Variants in FAM220A observed in about 807,000 individuals in gnomAD.
FAM220A encodes the protein protein FAM220A.
For missense variants in FAM220A, 392 were observed against 321.6 expected, an observed-to-expected ratio of 1.22 and a Z score of -1.68; for synonymous variants, 141 against 130.7, an observed-to-expected ratio of 1.08 and a Z score of -0.54.
intron 1 of FAM220A, among the ~76,000 whole-genome samples, chr7:6,348,013 C>T (rs1276167714): frequency 6.6e-6 from 1 of 151,442 alleles, no homozygotes; most frequent in Non-Finnish European, 1.5e-5. Context: ...CAGGTTCCAG[C>T]GATTCTGCCG....
chr7:6,330,543 C>A lies in FAM220A; in HGVS notation c.612G>T (p.Leu204=). 6.2e-7 allele frequency: 1 copy of A among 1,614,154 alleles called. No homozygotes were observed. Among genetic ancestry groups the A allele is most frequent in the Non-Finnish European group, 8.5e-7 (1 of 1,180,032 alleles). ...GGAAAATGCGTTTTGTCTCCTCACT[C>A]AGGAGCACTTCGGGATACACGTGCA... is the stretch of plus-strand genomic sequence containing the variant. ...ATLHVYPEVL[L]SEETKRIFLD... is the part of the protein sequence containing the mutation. Residue 204 remains leucine (L), a synonymous_variant, in exon 2 of 2, where the codon CTG becomes CTT. Coordinates refer to ENST00000313324, the MANE Select transcript of FAM220A (RefSeq NM_001037163.2).
At chr7:6,333,790 A>G (rs1781687077) in intron 1 of FAM220A, among the ~76,000 whole-genome samples, 1 of 147,934 alleles carries the variant, frequency 6.8e-6, no homozygotes, top group Admixed American at 6.8e-5. Context: ...TTTTTTTAAT[A>G]GAGACAGGGT....
Position 6,332,191 on chromosome 7 carries a change from C to T in FAM220A, c.-81-956G>A, listed in dbSNP as rs542936662. ...TGACTGGGCATGCTACCTAGTGCAT[C>T]CTTCAGGTTATGTAATTTTATAGGG... On this transcript the variant is annotated intron_variant, in intron 1 of 1. Transcript: ENST00000313324. Among the ~76,000 whole-genome samples, 10 of 152,000 alleles carry T rather than the reference C, an allele frequency of 6.6e-5. 1 individual carries two copies. In the South Asian group the frequency reaches 2.1e-3, roughly 32 times the overall value.
At chr7:6,337,337 G>C (rs1164571880) in intron 1 of FAM220A, among the ~76,000 whole-genome samples, 5 of 151,990 alleles carry the variant, frequency 3.3e-5, no homozygotes, top group African/African-American at 1.2e-4. Flanking sequence ...GGCCAGGCTG[G>C]TCTCTAACTC....
At chr7:6,333,840 CTTTTT>C (rs904989717) in intron 1 of FAM220A, among the ~76,000 whole-genome samples, 1 of 96,844 alleles carries the variant, frequency 1.0e-5, no homozygotes, top group African/African-American at 3.9e-5. Flanking sequence ...CTCCTGGCCT[CTTTTT>C]TTTTTTTTTT....
At chr7:6,341,376 A>T (rs541553599) in intron 1 of FAM220A, among the ~76,000 whole-genome samples, 1 of 149,816 alleles carries the variant, frequency 6.7e-6, no homozygotes, top group Admixed American at 6.7e-5. Context: ...CGGGAGGCGG[A>T]GCTTGCAGTG....
At chr7:6,333,642 G>A (rs535435785) in intron 1 of FAM220A, among the ~76,000 whole-genome samples, 1 of 151,308 alleles carries the variant, frequency 6.6e-6, no homozygotes, top group South Asian at 2.1e-4. Flanking sequence ...GGGATTACAG[G>A]CAGGCACCAC....
Position 6,348,839 on chromosome 7 carries a change from G to C in FAM220A, c.-348C>G, listed in dbSNP as rs111425831. Reference sequence around the variant, plus strand: ...CCGGCAGCTGACCCTCGCCTGGCGTGCTCAGGGAGCGAAGGAGGCGGCGGC... The same window carrying C: ...CCGGCAGCTGACCCTCGCCTGGCGTCCTCAGGGAGCGAAGGAGGCGGCGGC... On this transcript the variant is annotated 5_prime_UTR_variant, in exon 1 of 2. Coordinates refer to ENST00000313324, the MANE Select transcript of FAM220A (RefSeq NM_001037163.2). 12 of 392,984 alleles carry C rather than the reference G, an allele frequency of 3.1e-5. No homozygotes were observed. The highest frequency in any genetic ancestry group is 4.5e-5 in the Non-Finnish European group (10 of 222,808). The allele number at this position is 392,984 out of a possible 1,614,324, so 24.3% of individuals were successfully genotyped here.
At position 6,334,018 on chromosome 7, in the gene FAM220A, T is replaced by C. The variant is rs562045903; in HGVS notation, c.-81-2783A>G. 7.3e-5 allele frequency among the ~76,000 whole-genome samples: 11 copies of C among 151,272 alleles called. No homozygotes were observed. In the East Asian group the frequency reaches 2.0e-3, roughly 28 times the overall value. On this transcript the variant is annotated intron_variant, in intron 1 of 1. Coordinates refer to ENST00000313324, the MANE Select transcript of FAM220A (RefSeq NM_001037163.2). ...CCCGCCACCACGCCCGGCTAATTTT[T>C]CGTATTTTTAGTAGAGATGGGGTTT...
intron 1 of FAM220A, among the ~76,000 whole-genome samples, chr7:6,348,262 A>G (rs1781994139): frequency 6.6e-6 from 1 of 151,158 alleles, no homozygotes; most frequent in Admixed American, 6.6e-5. Context: ...TGGGAACTAG[A>G]AAATTCACCC....
chr7:6,339,156 G>T (rs954603998), intron 1 of FAM220A, among the ~76,000 whole-genome samples: 3 of 152,110 alleles, frequency 2.0e-5, no homozygotes, highest in African/African-American at 7.2e-5. Context: ...CCTGCTACTC[G>T]CCACTTGGCA....
At chr7:6,335,366 G>A (rs968427556) in intron 1 of FAM220A, among the ~76,000 whole-genome samples, 1 of 151,896 alleles carries the variant, frequency 6.6e-6, no homozygotes, top group African/African-American at 2.4e-5. Flanking sequence ...GTGATTACAA[G>A]CGCCCGCCAC....
chr7:6,344,707 C>T (rs73060723), intron 1 of FAM220A, among the ~76,000 whole-genome samples: 2,870 of 152,142 alleles, frequency 0.019, 43 homozygotes, highest in East Asian at 0.053. Context: ...GGTTGAGTCA[C>T]GGCACCTGGC....
At position 6,330,841 on chromosome 7, in the gene FAM220A, C is replaced by T; in HGVS notation, c.314G>A (p.Gly105Asp). ...ACACTCTGTTGGAGCAGGGAACAAACCCACGGCTGTGCTCGGAGTGGCTGC... is the reference window on the plus strand; with the variant it reads ...ACACTCTGTTGGAGCAGGGAACAAATCCACGGCTGTGCTCGGAGTGGCTGC... ...ASAATPSTAV[G>D]LFPAPTECFA... Residue 105 changes from glycine to aspartate, a missense_variant, in exon 2 of 2, where the codon GGT (glycine) becomes GAT (aspartate). Gly to Asp is a moderately conservative substitution (Grantham distance 94). Transcript: ENST00000313324. 1 of 1,614,202 alleles carries T rather than the reference C, an allele frequency of 6.2e-7. No individual in the cohort carries two copies. Among genetic ancestry groups the T allele is most frequent in the South Asian group, 1.1e-5 (1 of 91,084 alleles).
At chr7:6,347,853 A>G (rs1030227809) in intron 1 of FAM220A, among the ~76,000 whole-genome samples, 1 of 149,994 alleles carries the variant, frequency 6.7e-6, no homozygotes, top group Non-Finnish European at 1.5e-5. Flanking sequence ...CAGGAGTTCG[A>G]GACCAGCCTG....
At chr7:6,347,229 T>C (rs1241071342) in intron 1 of FAM220A, among the ~76,000 whole-genome samples, 3 of 152,128 alleles carry the variant, frequency 2.0e-5, no homozygotes, top group African/African-American at 7.2e-5. Context: ...AATATCAGTC[T>C]CTTGGCTGGG....
In FAM220A at chr7:6,330,642, T is replaced by G; in HGVS notation, c.513A>C (p.Pro171=). The change falls in exon 2 of 2, where the codon CCA becomes CCC. Residue 171 remains proline, a synonymous_variant. Coordinates refer to ENST00000313324, the MANE Select transcript of FAM220A (RefSeq NM_001037163.2). ...CCAGACCCTTGGGAAAAGCACTTGG[T>G]GGGTCATCCTGAAAACTTCCCATTT... ...VPEMGSFQDD[P]PSAFPKGLGS... 1 of 1,614,122 alleles carries G rather than the reference T, an allele frequency of 6.2e-7. No homozygotes were observed. The highest frequency in any genetic ancestry group is 8.5e-7 in the Non-Finnish European group (1 of 1,180,022).
At chr7:6,334,260 G>C (rs187001328) in intron 1 of FAM220A, among the ~76,000 whole-genome samples, 1 of 151,238 alleles carries the variant, frequency 6.6e-6, no homozygotes, top group South Asian at 2.1e-4. Context: ...GACTGGCTGG[G>C]CGCAGTGGCT....
chr7:6,341,956 C>T (rs1429956429), intron 1 of FAM220A: 5 of 151,862 alleles, frequency 3.3e-5, no homozygotes, highest in South Asian at 2.1e-4. Flanking sequence ...CAAGATCATA[C>T]CATTGCACTC....
Sources: gnomAD v4.1 joint callset for allele counts (sites outside exome capture counted in the v4.1 genomes callset) on GRCh38, gnomAD v4.1.1 for gene constraint, MANE v1.5 for transcripts, NCBI Gene and HGNC (gene_info 2026-07-23, HGNC 2026-07-21) for gene names.